The following GALNT13 variants were observed in gnomAD, a reference collection of about 807,000 sequenced individuals.
GALNT13 encodes UDP-GalNAc:polypeptide N-acetylgalactosaminyltransferase 13.
In GALNT13, 28 loss-of-function variants were observed where a neutral mutation model predicts 64.2. That is an observed-to-expected ratio of 0.44 (90% CI 0.32 to 0.60). The LOEUF (loss-of-function observed/expected upper bound fraction) is 0.60. Ranked by LOEUF, GALNT13 falls within the 20% of genes least tolerant of loss-of-function variation. The pLI, the probability that GALNT13 is intolerant of heterozygous loss-of-function variation, is 0.05. For missense variants in GALNT13, 577 were observed against 669.8 expected, an observed-to-expected ratio of 0.86 and a Z score of 1.53; for synonymous variants, 214 against 224.6, an observed-to-expected ratio of 0.95 and a Z score of 0.42.
intron 10 of GALNT13, among the ~76,000 whole-genome samples, chr2:154,406,329 A>G (rs574860657): frequency 3.2e-4 from 48 of 152,154 alleles, no homozygotes; most frequent in Admixed American, 6.6e-4. Context: ...CTCTGCTTCC[A>G]GTCTTTCCTC....
the GALNT13 span, among the ~76,000 whole-genome samples, chr2:153,076,669 G>A: frequency 8.2e-6 from 1 of 121,522 alleles, no homozygotes; most frequent in African/African-American, 2.5e-5. Flanking sequence ...TGATCACAAT[G>A]GATTGTATTT....
At chr2:153,518,078 A>G in the GALNT13 span, among the ~76,000 whole-genome samples, 1 of 152,024 alleles carries the variant, frequency 6.6e-6, no homozygotes, top group East Asian at 1.9e-4. Context: ...ACAGTCACAC[A>G]TTTTCTTCTT....
intron 3 of GALNT13, among the ~76,000 whole-genome samples, chr2:154,096,927 A>G (rs1458957501): frequency 6.6e-6 from 1 of 152,166 alleles, no homozygotes; most frequent in East Asian, 1.9e-4. Context: ...TTTAGCCAAT[A>G]TGACACAGGG....
At chr2:153,292,211 G>T in the GALNT13 span, among the ~76,000 whole-genome samples, 1 of 152,084 alleles carries the variant, frequency 6.6e-6, no homozygotes, top group East Asian at 1.9e-4. Context: ...CACCACCAAG[G>T]TTCTCTCCTG....
the GALNT13 span, among the ~76,000 whole-genome samples, chr2:153,692,648 A>G: frequency 2.0e-5 from 3 of 152,206 alleles, no homozygotes; most frequent in Admixed American, 2.0e-4. Flanking sequence ...GGCCACCAGA[A>G]GCGATTTGCT....
intron 3 of GALNT13, among the ~76,000 whole-genome samples, chr2:154,050,395 T>A (rs575910137): frequency 6.6e-6 from 1 of 152,314 alleles, no homozygotes; most frequent in Non-Finnish European, 1.5e-5. Context: ...TACATCACAG[T>A]GTCTGTGGAA....
intron 3 of GALNT13, among the ~76,000 whole-genome samples, chr2:154,117,022 C>T (rs186976036): frequency 6.8e-4 from 103 of 152,236 alleles, no homozygotes; most frequent in Admixed American, 1.8e-3. Context: ...AACTCAGAGT[C>T]CGATGTTCAA....
At chr2:153,555,457 GTGCT>G in the GALNT13 span, among the ~76,000 whole-genome samples, 3 of 104,676 alleles carry the variant, frequency 2.9e-5, no homozygotes, top group East Asian at 7.9e-4. Flanking sequence ...GCCTCCCAAA[GTGCT>G]GGGATTACAG....
chr2:154,143,728 G>T (rs1265246458), intron 4 of GALNT13, among the ~76,000 whole-genome samples: 2 of 151,504 alleles, frequency 1.3e-5, no homozygotes, highest in Non-Finnish European at 2.9e-5. Context: ...AGGTGTGGTG[G>T]CCCATGCCTG....
intron 12 of GALNT13, among the ~76,000 whole-genome samples, chr2:154,447,952 A>AG (rs1308404829): frequency 2.0e-5 from 3 of 152,000 alleles, no homozygotes; most frequent in Non-Finnish European, 2.9e-5. Context: ...TAGAGCAGAG[A>AG]CCACAGAGTG....
the GALNT13 span, among the ~76,000 whole-genome samples, chr2:153,843,178 A>G: frequency 6.6e-6 from 1 of 152,242 alleles, no homozygotes; most frequent in Non-Finnish European, 1.5e-5. Context: ...AAAGAGCTAT[A>G]ATTGGCTCAT....
intron 11 of GALNT13, chr2:154,436,674 A>G (rs1700989526): frequency 6.6e-6 from 1 of 152,114 alleles, no homozygotes; most frequent in Non-Finnish European, 1.5e-5. Context: ...GGATATGAAT[A>G]TTTCTGTTTG....
At chr2:153,075,940 G>C in the GALNT13 span, among the ~76,000 whole-genome samples, 2 of 152,070 alleles carry the variant, frequency 1.3e-5, no homozygotes, top group East Asian at 3.9e-4. Context: ...ACATAGAAAA[G>C]ATATATTTCT....
intron 1 of GALNT13, among the ~76,000 whole-genome samples, chr2:153,880,339 A>C (rs1033833911): frequency 1.5e-4 from 23 of 152,256 alleles, no homozygotes; most frequent in African/African-American, 5.1e-4. Context: ...AATACACTAA[A>C]ATAATCTTGT....
At chr2:154,417,511 T>TTATTTATTTATC (rs1700068439) in intron 11 of GALNT13, among the ~76,000 whole-genome samples, 2 of 142,068 alleles carry the variant, frequency 1.4e-5, no homozygotes, top group Non-Finnish European at 3.0e-5. Context: ...ATTTATTTAT[T>TTATTTATTTATC]TATTTATTTA....
the GALNT13 span, among the ~76,000 whole-genome samples, chr2:153,297,422 G>T: frequency 3.3e-5 from 5 of 152,116 alleles, no homozygotes; most frequent in Non-Finnish European, 7.4e-5. Context: ...AGAGAAAACT[G>T]GAAGAGGCAT....
intron 2 of GALNT13, among the ~76,000 whole-genome samples, chr2:153,924,300 G>T (rs1161546289): frequency 6.9e-6 from 1 of 144,404 alleles, no homozygotes; most frequent in Non-Finnish European, 1.5e-5. Flanking sequence ...TTATAAATGA[G>T]AACATGTGAT....
intron 3 of GALNT13, among the ~76,000 whole-genome samples, chr2:154,093,465 G>A (rs1209091245): frequency 1.9e-4 from 29 of 152,038 alleles, no homozygotes; most frequent in Admixed American, 1.1e-3. Context: ...TCACAAAAAT[G>A]AATCGAGCAT....
the GALNT13 span, among the ~76,000 whole-genome samples, chr2:153,248,271 T>C: frequency 5.9e-5 from 9 of 152,040 alleles, no homozygotes; most frequent in Non-Finnish European, 1.3e-4. Flanking sequence ...AAAGAAAATT[T>C]TAGGCCAACA....
Sources: allele counts gnomAD v4.1 joint callset (sites outside exome capture counted in the v4.1 genomes callset), GRCh38; gene constraint gnomAD v4.1.1; transcripts MANE v1.5; gene names NCBI Gene and HGNC (gene_info 2026-07-23, HGNC 2026-07-21).